The following C10orf90 variants were observed in gnomAD, a reference collection of about 807,000 sequenced individuals.
C10orf90 encodes the protein chromosome 10 open reading frame 90.
Under a neutral mutation model 62.5 loss-of-function variants are expected in C10orf90, and 56 were observed. The observed-to-expected ratio is 0.90, with a 90% CI of 0.72 to 1.12. The LOEUF is 1.12. Among genes scored for constraint, C10orf90 ranks in the 50% most tolerant of loss-of-function variants. The pLI, the probability that C10orf90 is intolerant of heterozygous loss-of-function variation, is 0.00. For missense variants in C10orf90, 970 were observed against 880.4 expected, an observed-to-expected ratio of 1.10 and a Z score of -1.29; for synonymous variants, 386 against 340.4, an observed-to-expected ratio of 1.13 and a Z score of -1.47.
chr10:126,546,660 C>A (rs768727541), intron 2 of C10orf90, among the ~76,000 whole-genome samples: 2 of 152,218 alleles, frequency 1.3e-5, no homozygotes, highest in Non-Finnish European at 2.9e-5. Context: ...GAGGATTTCC[C>A]CCCTCTTGGG....
rs1207795893 is a variant in C10orf90, at chr10:126,461,404, C to T, written c.2007G>A (p.Leu669=). 1 of 1,613,852 alleles carries T rather than the reference C, an allele frequency of 6.2e-7. No individual in the cohort carries two copies. Among genetic ancestry groups the T allele is most frequent in the East Asian group, 2.2e-5 (1 of 44,846 alleles). Residue 669 remains leucine, a synonymous_variant, in exon 6 of 10, where the codon TTG becomes TTA. Coordinates refer to ENST00000488181, the MANE Select transcript of C10orf90 (RefSeq NM_001350921.2). ...SQQTPARSLT[L]QEALEVRKPQ... Reference sequence around the variant, plus strand: ...CAGGACACACAGAAGGCCTTACTTGCAAGGTCAAAGATCTTGCAGGCGTTT... The same window carrying T: ...CAGGACACACAGAAGGCCTTACTTGTAAGGTCAAAGATCTTGCAGGCGTTT...
At chr10:126,640,622 G>T (rs1206744317) in intron 2 of C10orf90, among the ~76,000 whole-genome samples, 1 of 152,228 alleles carries the variant, frequency 6.6e-6, no homozygotes, top group Non-Finnish European at 1.5e-5. Flanking sequence ...GCCCTGGAGA[G>T]ACCTGGGGTG....
At chr10:126,593,100 A>T (rs1449479569) in intron 2 of C10orf90, among the ~76,000 whole-genome samples, 1 of 152,236 alleles carries the variant, frequency 6.6e-6, no homozygotes, top group Non-Finnish European at 1.5e-5. Flanking sequence ...AAAGTAAATC[A>T]ATTCAACCAT....
intron 3 of C10orf90, among the ~76,000 whole-genome samples, chr10:126,507,844 C>A (rs573310965): frequency 6.6e-6 from 1 of 152,224 alleles, no homozygotes; most frequent in Non-Finnish European, 1.5e-5. Flanking sequence ...ACCCTGAATC[C>A]CTTCCCCTTG....
rs984634966 is a variant in C10orf90 at position 126,425,798 on chromosome 10, A to T, written c.*66T>A. ...CCATGATGAAGATAATGCTAAGTTT[A>T]ATGGCTTATCCAGCATTCGAAGTCC... On this transcript the variant is annotated 3_prime_UTR_variant, in exon 10 of 10. Transcript: ENST00000488181. 15 of 1,493,256 alleles carry T rather than the reference A, an allele frequency of 1.0e-5. No homozygotes were observed. The African/African-American group carries it at 2.0e-4, about 20-fold the overall frequency. The allele number at this position is 1,493,256 out of a possible 1,614,324, so 92.5% of individuals were successfully genotyped here.
At chr10:126,497,067 C>T (rs980772431) in intron 4 of C10orf90, among the ~76,000 whole-genome samples, 1 of 152,232 alleles carries the variant, frequency 6.6e-6, no homozygotes, top group Admixed American at 6.5e-5. Context: ...AGCCCAGTGT[C>T]TGGTACCACA....
At chr10:126,484,267 T>C (rs2133813032) in intron 4 of C10orf90, among the ~76,000 whole-genome samples, 1 of 152,274 alleles carries the variant, frequency 6.6e-6, no homozygotes, top group South Asian at 2.1e-4. Context: ...ACTACCGCAA[T>C]TCTCTAAAAA....
intron 2 of C10orf90, among the ~76,000 whole-genome samples, chr10:126,580,038 G>A (rs1252083888): frequency 1.3e-5 from 2 of 152,310 alleles, no homozygotes; most frequent in African/African-American, 4.8e-5. Flanking sequence ...GGTGCTATGA[G>A]AACTCACCTC....
intron 2 of C10orf90, 131 bp downstream of exon 2, chr10:126,646,434 A>G (rs984567458): frequency 3.8e-6 from 1 of 264,674 alleles, no homozygotes; most frequent in African/African-American, 2.3e-5. Context: ...CCACTGAGCT[A>G]TCATCTCACG....
chr10:126,547,548 C>A lies in C10orf90; in HGVS notation c.314-33609G>T, dbSNP rs1236672567. Among the ~76,000 whole-genome samples, 8 of 137,514 alleles carry A rather than the reference C, an allele frequency of 5.8e-5. No homozygotes were observed. The South Asian group carries it at 1.6e-3, about 28-fold the overall frequency. The allele number at this position is 137,514 out of a possible 152,430, so 90.2% of individuals were successfully genotyped here. ...TGCCGACACTGAGAGGACAAACACA[C>A]CGGACTTATCTGAGAGAGAAATTAA... is the stretch of plus-strand genomic sequence containing the variant. On this transcript the variant is annotated intron_variant, in intron 2 of 9. Transcript: ENST00000488181.
At chr10:126,496,087 C>T (rs528611084) in intron 4 of C10orf90, among the ~76,000 whole-genome samples, 1 of 152,288 alleles carries the variant, frequency 6.6e-6, no homozygotes, top group East Asian at 1.9e-4. Context: ...AGTTGCTCTG[C>T]AATATCCCTA....
intron 7 of C10orf90, among the ~76,000 whole-genome samples, chr10:126,446,245 A>C (rs1264762997): frequency 6.6e-6 from 1 of 152,160 alleles, no homozygotes; most frequent in Non-Finnish European, 1.5e-5. Flanking sequence ...AGCTTTCCAA[A>C]TCTGGGGAAG....
chr10:126,442,623 T>C (rs1858446002), intron 7 of C10orf90, among the ~76,000 whole-genome samples: 1 of 113,350 alleles, frequency 8.8e-6, no homozygotes, highest in Admixed American at 9.2e-5. Context: ...CCTACTATTA[T>C]TGTGTGTGTG....
At chr10:126,445,805 G>GTATATATA (rs71029302) in intron 7 of C10orf90, among the ~76,000 whole-genome samples, 1,747 of 100,676 alleles carry the variant, frequency 0.017, 58 homozygotes, top group East Asian at 0.098. Context: ...AAACTGTGGT[G>GTATATATA]TATATATATA....
At chr10:126,620,080 T>G (rs907347075) in intron 2 of C10orf90, among the ~76,000 whole-genome samples, 2 of 152,148 alleles carry the variant, frequency 1.3e-5, no homozygotes, top group African/African-American at 4.8e-5. Flanking sequence ...CATTTTTATT[T>G]TTTTACATGG....
chr10:126,614,514 C>T (rs976117051), intron 2 of C10orf90, among the ~76,000 whole-genome samples: 1 of 152,136 alleles, frequency 6.6e-6, no homozygotes, highest in Non-Finnish European at 1.5e-5. Flanking sequence ...ATGATCTCTG[C>T]CCTTCCCCTG....
At chr10:126,524,459 G>A (rs560167135) in intron 2 of C10orf90, 6 of 220,770 alleles carry the variant, frequency 2.7e-5, no homozygotes, top group Non-Finnish European at 7.6e-6. Context: ...TGAGGCCTGG[G>A]TAGCGGGGAC....
In C10orf90 at chr10:126,502,901, C is replaced by T; in HGVS notation, c.1534+1056G>A. 4 of 480,924 alleles carry T rather than the reference C, an allele frequency of 8.3e-6. 1 individual carries two copies. The highest frequency in any genetic ancestry group is 6.5e-5 in the South Asian group (4 of 61,156). The allele number at this position is 480,924 out of a possible 1,614,324, so 29.8% of individuals were successfully genotyped here. A position where few individuals can be genotyped will look rare whatever the true frequency, so the allele number is the denominator to read the frequency against. ...CATGCCAAAATTGCCTTAAAAATCT[C>T]TGAGCATTCAATATTTCAATATATA... On this transcript the variant is annotated intron_variant, in intron 4 of 9. Transcript: ENST00000488181.
intron 2 of C10orf90, among the ~76,000 whole-genome samples, chr10:126,548,769 G>A (rs1226102426): frequency 2.0e-5 from 3 of 149,532 alleles, no homozygotes; most frequent in African/African-American, 5.0e-5. Flanking sequence ...TTGAGACGGA[G>A]TCTCACTCTG....
Sources: gnomAD v4.1 joint callset for allele counts (sites outside exome capture counted in the v4.1 genomes callset) on GRCh38, gnomAD v4.1.1 for gene constraint, MANE v1.5 for transcripts, NCBI Gene and HGNC (gene_info 2026-07-23, HGNC 2026-07-21) for gene names.